OTOG: variants seen among roughly 807,000 people sequenced by gnomAD.
OTOG encodes the protein otogelin.
Under a neutral mutation model 313.8 loss-of-function variants are expected in OTOG, and 296 were observed. The ratio of observed to expected loss-of-function variants is 0.94; its 90% confidence interval spans 0.86 to 1.04. The LOEUF is 1.04. OTOG is among the 50% of genes least tolerant of loss of function. OTOG has a pLI of 0.00. For missense variants in OTOG, 3,948 were observed against 3,840.1 expected (o/e 1.03, Z -0.74); for synonymous variants, 1,533 against 1,554.9 (o/e 0.99, Z 0.33).
chr11:17,558,727 C>A, intron 10 of OTOG, 83 bp downstream of exon 10: 1 of 1,331,936 alleles, frequency 7.5e-7, no homozygotes, highest in Non-Finnish European at 1.0e-6. Context: ...ACTGGGTGAT[C>A]CCAGGCACTG....
intron 6 of OTOG, among the ~76,000 whole-genome samples, chr11:17,555,321 T>G (rs1246875846): frequency 2.0e-5 from 3 of 150,994 alleles, no homozygotes; most frequent in Non-Finnish European, 4.4e-5. Flanking sequence ...GGAAGGGGAG[T>G]GTGTGTATAG....
Position 17,553,498 on chromosome 11 carries a change from G to A in OTOG, c.519G>A (p.Glu173=). ...SYTLVGRHEP[E]GQSFSIQVHN... ...CCCTGGTGGGTCGCCATGAGCCCGAGGGACAGAGCTTCTCCATCCAGGTGA... is the reference window on the plus strand; with the variant it reads ...CCCTGGTGGGTCGCCATGAGCCCGAAGGACAGAGCTTCTCCATCCAGGTGA... The change falls in exon 6 of 56, where the codon GAG becomes GAA. Residue 173 remains glutamate (E), a synonymous_variant. Coordinates refer to ENST00000399397, the MANE Select transcript of OTOG (RefSeq NM_001292063.2). 6.9e-7 allele frequency: 1 copy of A among 1,446,810 alleles called. No homozygotes were observed. The highest frequency in any genetic ancestry group is 1.4e-5 in the African/African-American group (1 of 69,802). The allele number at this position is 1,446,810 out of a possible 1,614,324, so 89.6% of individuals were successfully genotyped here. A position where few individuals can be genotyped will look rare whatever the true frequency, so the allele number is the denominator to read the frequency against.
chr11:17,597,068 TA>T (rs1853129669), intron 30 of OTOG, 61 bp downstream of exon 30: 2 of 1,522,514 alleles, frequency 1.3e-6, no homozygotes, highest in African/African-American at 1.4e-5. Context: ...GGGCATGCCC[TA>T]GGGGTACTGG....
chr11:17,583,727 G>A (rs562182559), intron 23 of OTOG, among the ~76,000 whole-genome samples: 1 of 152,192 alleles, frequency 6.6e-6, no homozygotes, highest in African/African-American at 2.4e-5. Context: ...GAGCTTTATA[G>A]TAAGCCTTGA....
chr11:17,556,943 C>T (rs908203255), intron 7 of OTOG, among the ~76,000 whole-genome samples, 175 bp from the exon 8 acceptor site: 1 of 152,146 alleles, frequency 6.6e-6, no homozygotes, highest in Non-Finnish European at 1.5e-5. Flanking sequence ...TTTCTAAAGA[C>T]AAAAGAATCC....
At chr11:17,555,455 G>A (rs1414673922) in intron 6 of OTOG, among the ~76,000 whole-genome samples, 1 of 152,092 alleles carries the variant, frequency 6.6e-6, no homozygotes, top group Non-Finnish European at 1.5e-5. Flanking sequence ...GGTATTTCCT[G>A]GGTAGGATAA....
chr11:17,614,459 A>G (rs1455842736), intron 39 of OTOG, among the ~76,000 whole-genome samples: 1 of 152,222 alleles, frequency 6.6e-6, no homozygotes. Flanking sequence ...TATAATCTAC[A>G]TGCAGTAAAA....
At position 17,632,087 on chromosome 11, in the gene OTOG, G is replaced by A; in HGVS notation, c.6934-1G>A. 3.2e-6 allele frequency: 5 copies of A among 1,550,820 alleles called. No homozygotes were observed. Among genetic ancestry groups the A allele is most frequent in the Non-Finnish European group, 4.4e-6 (5 of 1,146,928 alleles). On this transcript the variant is annotated splice_acceptor_variant, in intron 41 of 55. Transcript: ENST00000399397. LOFTEE classifies it high-confidence loss of function. The stretch of plus-strand genomic sequence containing the variant: ...CAGCACTGCCTGATGCATATGTCCA[G>A]GTGCCTCCGGAGTCATTCTGTGAGC...
rs1443696915 is a variant in OTOG, at chr11:17,640,816, G to A, written c.8007G>A (p.Glu2669=). ...ATGTGTGTGGCTGCGCCAAGTACGA[G>A]TGTGGTGAGTGGGGGAAGCCTCGGG... ...VENVCGCAKY[E]CVKAPVCLSR... Residue 2669 remains glutamate, a synonymous_variant, in exon 50 of 56, where the codon GAG becomes GAA. Coordinates refer to ENST00000399397, the MANE Select transcript of OTOG (RefSeq NM_001292063.2). 2.6e-6 allele frequency: 4 copies of A among 1,550,360 alleles called. No individual in the cohort carries two copies. Among genetic ancestry groups the A allele is most frequent in the Middle Eastern group, 1.7e-4 (1 of 5,994 alleles).
rs901110899 is a variant in OTOG at position 17,638,012 on chromosome 11, G to A, written c.7796-439G>A. 3.9e-5 allele frequency among the ~76,000 whole-genome samples: 6 copies of A among 152,234 alleles called. No individual in the cohort carries two copies. The East Asian group carries it at 5.8e-4, about 15-fold the overall frequency. On this transcript the variant is annotated intron_variant, in intron 47 of 55. Transcript: ENST00000399397. ...AGTCAGCCTAAAGACTAGGAAGAAA[G>A]GAAGTGCGGGCCCTGCAGGGTAGCA...
intron 53 of OTOG, among the ~76,000 whole-genome samples, chr11:17,642,749 T>C (rs1308002244): frequency 6.6e-6 from 1 of 151,934 alleles, no homozygotes. Context: ...AGGCTTGGGG[T>C]TATTGTTGAA....
rs562600869 is a variant in OTOG, at chr11:17,578,281, G to C, written c.2606-92G>C. ...AGGGAGGGAGGAGACTTCCGAGCCC[G>C]TCTCTCCCTCCATCCTCCAGCTGCT... On this transcript the variant is annotated intron_variant, in intron 22 of 55. Transcript: ENST00000399397. 6 of 1,407,208 alleles carry C rather than the reference G, an allele frequency of 4.3e-6. No homozygotes were observed. In the African/African-American group the frequency reaches 7.3e-5, roughly 17 times the overall value. The allele number at this position is 1,407,208 out of a possible 1,614,324, so 87.2% of individuals were successfully genotyped here.
chr11:17,643,535 T>TGGGGG, intron 54 of OTOG, 29 bp downstream of exon 54: 1 of 647,704 alleles, frequency 1.5e-6, no homozygotes, highest in Non-Finnish European at 2.1e-6. Context: ...GGCCCAGGGG[T>TGGGGG]GGGGGGCTCT....
chr11:17,552,867 C>A (rs889780370), intron 4 of OTOG, among the ~76,000 whole-genome samples: 1 of 152,250 alleles, frequency 6.6e-6, no homozygotes, highest in Non-Finnish European at 1.5e-5. Context: ...CAACTGAAGG[C>A]CCAGGTGGGG....
chr11:17,611,381 T>A lies in OTOG; in HGVS notation c.6081T>A (p.Ala2027=). ...GCATCGTAGAGGGTTTGGCGGAGGC[T>A]TTGGCAACTACCACTGAGGCCAATA... The part of the protein sequence containing the change: ...ALSIVEGLAE[A]LATTTEANTS... The change falls in exon 36 of 56, where the codon GCT becomes GCA. Residue 2027 remains alanine, a synonymous_variant. Coordinates refer to ENST00000399397, the MANE Select transcript of OTOG (RefSeq NM_001292063.2). 1 of 1,542,012 alleles carries A rather than the reference T, an allele frequency of 6.5e-7. No individual in the cohort carries two copies. The highest frequency in any genetic ancestry group is 8.8e-7 in the Non-Finnish European group (1 of 1,140,820).
At chr11:17,569,037 T>C in intron 15 of OTOG, 119 bp from the exon 16 acceptor site, 5 of 1,214,692 alleles carry the variant, frequency 4.1e-6, no homozygotes, top group Non-Finnish European at 4.6e-6. Context: ...GGGCTCTGTC[T>C]GTCATTCTGA....
chr11:17,635,540 C>A, intron 46 of OTOG, 70 bp from the exon 47 acceptor site: 1 of 1,286,626 alleles, frequency 7.8e-7, no homozygotes, highest in Non-Finnish European at 1.1e-6. Flanking sequence ...GCCCCACCCC[C>A]AGCAACGTGC....
Position 17,547,474 on chromosome 11 carries a change from G to C in OTOG, c.94+8G>C. 7.4e-7 allele frequency: 1 copy of C among 1,358,762 alleles called. No homozygotes were observed. Among genetic ancestry groups the C allele is most frequent in the African/African-American group, 1.5e-5 (1 of 66,000 alleles). The allele number at this position is 1,358,762 out of a possible 1,614,324, so 84.2% of individuals were successfully genotyped here. A position where few individuals can be genotyped will look rare whatever the true frequency, so the allele number is the denominator to read the frequency against. On this transcript the variant is annotated splice_region_variant and intron_variant, in intron 1 of 55. Transcript: ENST00000399397. ...TGCGGGTGCAGCGCCTCGGTGAGAG[G>C]GTTGTGGACTCAGGGAGGTCGGGGG...
Position 17,576,614 on chromosome 11 carries a change from C to T in OTOG, c.2545C>T (p.Pro849Ser). The T allele has an allele frequency of 1.9e-6, 3 of 1,550,310 alleles. No individual in the cohort carries two copies. Among genetic ancestry groups the T allele is most frequent in the South Asian group, 1.2e-5 (1 of 84,050 alleles). ...CTATCCCCCCGGAGACAGTGACATC[C>T]CATCCCTGGGCCACTGGTGAGCTCC... The part of the protein sequence containing the change: ...VDYPPGDSDI[P>S]SLGHCHCKDG... Residue 849 changes from proline (P) to serine (S), a missense_variant, in exon 21 of 56, where the codon CCA (proline) becomes TCA (serine). Physicochemically the swap from Pro to Ser is moderately conservative, Grantham distance 74. Transcript: ENST00000399397.
Sources: gnomAD v4.1 joint callset for allele counts (sites outside exome capture counted in the v4.1 genomes callset) on GRCh38, gnomAD v4.1.1 for gene constraint, MANE v1.5 for transcripts, NCBI Gene and HGNC (gene_info 2026-07-23, HGNC 2026-07-21) for gene names.